Variants in LOC400499 observed in about 807,000 individuals in gnomAD.
chr16:11,497,714 G>A, the LOC400499 span, among the ~76,000 whole-genome samples: 45 of 142,680 alleles, frequency 3.2e-4, no homozygotes, highest in Middle Eastern at 3.9e-3. Context: ...TAATGACCCA[G>A]TTGGTTCTGT....
the LOC400499 span, chr16:11,424,195 G>A: frequency 2.5e-6 from 1 of 399,342 alleles, no homozygotes. Flanking sequence ...AGGCTGGCAT[G>A]GAGCTGGAGG....
chr16:11,444,308 G>C, the LOC400499 span, among the ~76,000 whole-genome samples: 3 of 152,102 alleles, frequency 2.0e-5, no homozygotes, highest in Non-Finnish European at 4.4e-5. Context: ...TGAGGTGTGA[G>C]GGTCACTTGA....
the LOC400499 span, chr16:11,372,565 T>C: frequency 5.9e-6 from 1 of 170,866 alleles, no homozygotes; most frequent in Non-Finnish European, 1.2e-5. Flanking sequence ...CCAGTGGCAA[T>C]GAGCCCTGCT....
chr16:11,523,906 ACC>A, the LOC400499 span, among the ~76,000 whole-genome samples: 1 of 81,312 alleles, frequency 1.2e-5, no homozygotes, highest in South Asian at 4.2e-4. Context: ...CCATCCAACC[ACC>A]CCCACCCCCA....
the LOC400499 span, among the ~76,000 whole-genome samples, chr16:11,454,666 C>A: frequency 2.6e-5 from 4 of 152,256 alleles, no homozygotes; most frequent in African/African-American, 9.6e-5. Flanking sequence ...CTCAAACTTA[C>A]AGCCTTCAGA....
chr16:11,509,844 C>T, the LOC400499 span, among the ~76,000 whole-genome samples: 4 of 152,070 alleles, frequency 2.6e-5, no homozygotes, highest in East Asian at 3.9e-4. Flanking sequence ...AAAAACAAAA[C>T]ACAACAAAAC....
At chr16:11,476,563 G>A in the LOC400499 span, among the ~76,000 whole-genome samples, 5 of 152,080 alleles carry the variant, frequency 3.3e-5, no homozygotes, top group Admixed American at 1.3e-4. Context: ...GTCTGATCAT[G>A]TGTACTCAGA....
the LOC400499 span, chr16:11,514,414 C>T: frequency 2.5e-6 from 1 of 399,140 alleles, no homozygotes; most frequent in South Asian, 1.3e-4. Context: ...AGGAGAGGGT[C>T]CTCATCTGCA....
At chr16:11,472,741 C>T in the LOC400499 span, 1 of 152,196 alleles carries the variant, frequency 6.6e-6, no homozygotes, top group Non-Finnish European at 1.5e-5. Context: ...TGCCTCATGG[C>T]GTAGCTGTGA....
the LOC400499 span, chr16:11,392,755 C>T: frequency 1.0e-6 from 1 of 983,500 alleles, no homozygotes. Context: ...TTTTTTGAGA[C>T]ACCAAGGCAG....
the LOC400499 span, among the ~76,000 whole-genome samples, chr16:11,520,611 G>A: frequency 8.5e-5 from 12 of 141,464 alleles, no homozygotes; most frequent in African/African-American, 1.3e-4. Flanking sequence ...AGATTGCAAT[G>A]AGCTGAGATT....
chr16:11,421,218 C>A, the LOC400499 span, among the ~76,000 whole-genome samples: 1 of 152,120 alleles, frequency 6.6e-6, no homozygotes, highest in Non-Finnish European at 1.5e-5. Context: ...CTTCCCTGCA[C>A]CCCAGCCCCA....
chr16:11,431,226 A>G, the LOC400499 span: 6 of 398,924 alleles, frequency 1.5e-5, no homozygotes, highest in Non-Finnish European at 2.7e-5. Flanking sequence ...AAAACAGCCA[A>G]ATCCTAGGCA....
the LOC400499 span, among the ~76,000 whole-genome samples, chr16:11,389,824 C>T: frequency 6.6e-6 from 1 of 152,008 alleles, no homozygotes; most frequent in Admixed American, 6.6e-5. Flanking sequence ...CTTCCTTGTG[C>T]TTCGTGTCTG....
the LOC400499 span, among the ~76,000 whole-genome samples, chr16:11,458,482 G>A: frequency 2.0e-5 from 3 of 149,304 alleles, no homozygotes; most frequent in Non-Finnish European, 4.4e-5. Flanking sequence ...TCCAGTGTGG[G>A]CAACAAAAGC....
At chr16:11,396,314 A>G in the LOC400499 span, 4 of 449,138 alleles carry the variant, frequency 8.9e-6, no homozygotes, top group Admixed American at 9.0e-5. Context: ...CGCCAGGGCC[A>G]GGCCTGGGGT....
the LOC400499 span, among the ~76,000 whole-genome samples, chr16:11,483,440 A>G: frequency 0.013 from 2,027 of 152,332 alleles, 36 homozygotes; most frequent in African/African-American, 0.047. Context: ...AAACTGTGGT[A>G]TATCTATACA....
At chr16:11,424,880 G>A in the LOC400499 span, among the ~76,000 whole-genome samples, 1 of 152,158 alleles carries the variant, frequency 6.6e-6, no homozygotes, top group African/African-American at 2.4e-5. Flanking sequence ...AGGGCTGATG[G>A]CAGCGGCTGT....
the LOC400499 span, among the ~76,000 whole-genome samples, chr16:11,409,939 T>C: frequency 2.0e-5 from 3 of 152,226 alleles, no homozygotes; most frequent in Non-Finnish European, 4.4e-5. Flanking sequence ...GTAGCTTTTA[T>C]ATAGGTTGAA....
Sources: allele counts gnomAD v4.1 joint callset (sites outside exome capture counted in the v4.1 genomes callset), GRCh38; gene constraint gnomAD v4.1.1; transcripts MANE v1.5.